The following FAM234B variants were observed in gnomAD, a reference collection of about 807,000 sequenced individuals.
FAM234B encodes the protein family with sequence similarity 234 member B, also known as protein FAM234B.
Under a neutral mutation model 69.3 loss-of-function variants are expected in FAM234B, and 33 were observed. The observed-to-expected ratio is 0.48, with a 90% CI of 0.36 to 0.64. The LOEUF (loss-of-function observed/expected upper bound fraction) is 0.64. Among genes scored for constraint, FAM234B ranks in the 30% least tolerant of loss-of-function variants. The probability of loss-of-function intolerance (pLI) is 0.00; values close to 1 mark genes in which losing one functional copy is unlikely to be tolerated. For missense variants in FAM234B, 697 were observed against 769.7 expected (o/e 0.91, Z 1.12); for synonymous variants, 306 against 306.9 (o/e 1.00, Z 0.03).
Position 13,080,707 on chromosome 12 carries a change from T to G in FAM234B, c.*77T>G. On this transcript the variant is annotated 3_prime_UTR_variant, in exon 13 of 13. Transcript: ENST00000197268. Reference sequence around the variant, plus strand: ...TACTCTCCTGTCACTGTAAAATCAGTTCTATGGAGAGAAGACTTCTTCGTC... The same window carrying G: ...TACTCTCCTGTCACTGTAAAATCAGGTCTATGGAGAGAAGACTTCTTCGTC... The G allele has an allele frequency of 7.9e-7, 1 of 1,258,560 alleles. No individual in the cohort carries two copies. Among genetic ancestry groups the G allele is most frequent in the Non-Finnish European group, 1.2e-6 (1 of 867,108 alleles). 78.0% of individuals were successfully genotyped at this position (1,258,560 alleles called of 1,614,324 possible).
chr12:13,072,293 G>T (rs1865114520), intron 10 of FAM234B, among the ~76,000 whole-genome samples: 1 of 152,140 alleles, frequency 6.6e-6, no homozygotes, highest in Non-Finnish European at 1.5e-5. Flanking sequence ...TTGAGGATCA[G>T]ATTTACCTAA....
intron 10 of FAM234B, among the ~76,000 whole-genome samples, chr12:13,074,018 T>C (rs569118410): frequency 1.1e-4 from 17 of 152,344 alleles, no homozygotes; most frequent in South Asian, 6.2e-4. Flanking sequence ...CACCACAAAT[T>C]TGATGCATGT....
chr12:13,066,872 G>T (rs1865044930), intron 6 of FAM234B, 85 bp downstream of exon 6: 15 of 1,463,012 alleles, frequency 1.0e-5, no homozygotes, highest in Non-Finnish European at 1.3e-5. Flanking sequence ...GAAAGCTCAG[G>T]AACTCCTGAC....
chr12:13,061,794 C>A, intron 4 of FAM234B, 31 bp downstream of exon 4: 7 of 1,587,902 alleles, frequency 4.4e-6, no homozygotes, highest in Non-Finnish European at 6.0e-6. Flanking sequence ...AAGAACTTTG[C>A]TCCTACGAGC....
At chr12:13,066,069 ATTTATGACTG>A (rs1385807261) in intron 5 of FAM234B, among the ~76,000 whole-genome samples, 1 of 152,216 alleles carries the variant, frequency 6.6e-6, no homozygotes, top group Non-Finnish European at 1.5e-5. Context: ...TTTATGTGTT[ATTTATGACTG>A]CTTTCACACA....
Position 13,082,080 on chromosome 12 carries a change from T to G in FAM234B, c.*1450T>G, listed in dbSNP as rs1028708446. The stretch of plus-strand genomic sequence containing the variant: ...TTCAAGCGATTCTCCAGCCTTAGCC[T>G]CCCAAGTAGCTGGGACTACAGGTGC... On this transcript the variant is annotated 3_prime_UTR_variant, in exon 13 of 13. Coordinates refer to ENST00000197268, the MANE Select transcript of FAM234B (RefSeq NM_020853.2). The G allele has an allele frequency of 5.4e-5, 8 of 147,772 alleles. No homozygotes were observed. The highest frequency in any genetic ancestry group is 2.0e-4 in the African/African-American group (8 of 40,220). 9.2% of individuals were successfully genotyped at this position (147,772 alleles called of 1,614,324 possible).
At chr12:13,052,653 ACTACT>A (rs1864887702) in intron 1 of FAM234B, among the ~76,000 whole-genome samples, 1 of 152,162 alleles carries the variant, frequency 6.6e-6, no homozygotes, top group African/African-American at 2.4e-5. Flanking sequence ...TGTGAGTGTG[ACTACT>A]CTAGATAACT....
rs1223680677 is a variant in FAM234B, at chr12:13,082,027, C to T, written c.*1397C>T. 2.1e-5 allele frequency: 3 copies of T among 141,492 alleles called. No individual in the cohort carries two copies. Among genetic ancestry groups the T allele is most frequent in the East Asian group, 2.1e-4 (1 of 4,690 alleles). 8.8% of individuals were successfully genotyped at this position (141,492 alleles called of 1,614,324 possible). A position where few individuals can be genotyped will look rare whatever the true frequency, so the allele number is the denominator to read the frequency against. ...AGGCTGGAGTGCAGTGGCACAATCT[C>T]GGCTCACTGCAACCTTCGCCTCCTG... is the stretch of plus-strand genomic sequence containing the variant. On this transcript the variant is annotated 3_prime_UTR_variant, in exon 13 of 13. Coordinates refer to ENST00000197268, the MANE Select transcript of FAM234B (RefSeq NM_020853.2).
At chr12:13,079,473 A>G (rs1300125014) in intron 11 of FAM234B, among the ~76,000 whole-genome samples, 1 of 152,112 alleles carries the variant, frequency 6.6e-6, no homozygotes. Context: ...CAGGCTCCCT[A>G]GTGTTTCGGG....
chr12:13,047,462 G>A (rs1310799085), intron 1 of FAM234B, among the ~76,000 whole-genome samples: 1 of 152,120 alleles, frequency 6.6e-6, no homozygotes, highest in Non-Finnish European at 1.5e-5. Context: ...TATATGCACA[G>A]TATAGTGTAT....
chr12:13,061,292 G>T (rs1219887032), intron 3 of FAM234B, among the ~76,000 whole-genome samples: 1 of 152,216 alleles, frequency 6.6e-6, no homozygotes, highest in African/African-American at 2.4e-5. Flanking sequence ...GGCCGAGGTG[G>T]CAGACATGTA....
intron 11 of FAM234B, among the ~76,000 whole-genome samples, chr12:13,078,213 G>A (rs1026925876): frequency 2.0e-5 from 3 of 151,734 alleles, no homozygotes; most frequent in African/African-American, 4.8e-5. Context: ...CTCCCATTTT[G>A]TAGGTTGCCT....
At chr12:13,049,235 A>G (rs915909147) in intron 1 of FAM234B, among the ~76,000 whole-genome samples, 2 of 152,244 alleles carry the variant, frequency 1.3e-5, no homozygotes, top group Non-Finnish European at 2.9e-5. Flanking sequence ...GCTGGAGTGC[A>G]GTGGCATGGT....
At chr12:13,058,168 C>T (rs963244553) in intron 2 of FAM234B, among the ~76,000 whole-genome samples, 3 of 152,018 alleles carry the variant, frequency 2.0e-5, no homozygotes, top group African/African-American at 7.3e-5. Flanking sequence ...ATTATGAGGC[C>T]AAAAGAAAAC....
intron 5 of FAM234B, among the ~76,000 whole-genome samples, chr12:13,064,767 CA>C (rs1865019762): frequency 6.6e-6 from 1 of 152,118 alleles, no homozygotes; most frequent in Admixed American, 6.6e-5. Flanking sequence ...ACCTCTCTGC[CA>C]GCAACAAGGG....
chr12:13,066,671 G>A lies in FAM234B; in HGVS notation c.884G>A (p.Arg295Gln), dbSNP rs62636619. The A allele has an allele frequency of 6.8e-3, 10,925 of 1,613,616 alleles. 644 individuals are homozygous for A. The African/African-American group carries it at 0.13, about 19-fold the overall frequency. Residue 295 changes from arginine to glutamine, a missense_variant, in exon 6 of 13, where the codon CGG (arginine) becomes CAG (glutamine). This residue lies in a region of FAM234B where 380 missense variants were observed against 447.1 expected (regional missense o/e 0.85). Transcript: ENST00000197268. ...CTGTGCTTTCTGCTGGTGTCTGGCC[G>A]GACCGGAAATCCAGTGGGTCGACCT... ...PDLCFLLVSGRTGNPVGRPVK... is the reference protein window; with the variant it reads ...PDLCFLLVSGQTGNPVGRPVK...
chr12:13,076,028 T>C lies in FAM234B; in HGVS notation c.1527T>C (p.Asp509=). The change falls in exon 11 of 13, where the codon GAT becomes GAC. Residue 509 remains aspartate, a splice_region_variant and synonymous_variant. Transcript: ENST00000197268. ...EGLSAASPNS[D]IILGTEPPSL... ...TCCTTTTTGCTGCTTATTATCAGGA[T>C]ATCATCCTAGGAACTGAGCCGCCCA... 6.2e-7 allele frequency: 1 copy of C among 1,610,754 alleles called. No individual in the cohort carries two copies. The highest frequency in any genetic ancestry group is 8.5e-7 in the Non-Finnish European group (1 of 1,177,012).
At chr12:13,068,269 C>T (rs1865061911) in intron 7 of FAM234B, 35 bp from the exon 8 acceptor site, 1 of 1,613,258 alleles carries the variant, frequency 6.2e-7, no homozygotes, top group Non-Finnish European at 8.5e-7. Flanking sequence ...CTCATCCAAG[C>T]CAGAGACTAA....
At chr12:13,045,934 A>C (rs979874738) in intron 1 of FAM234B, among the ~76,000 whole-genome samples, 4 of 151,024 alleles carry the variant, frequency 2.6e-5, no homozygotes, top group African/African-American at 9.8e-5. Flanking sequence ...GCAACTCTTG[A>C]GGTCTTTTGT....
Sources: gnomAD v4.1 joint callset for allele counts (sites outside exome capture counted in the v4.1 genomes callset) on GRCh38, gnomAD v4.1.1 for gene constraint, gnomAD v4.1.1 regional missense constraint, MANE v1.5 for transcripts, NCBI Gene and HGNC (gene_info 2026-07-23, HGNC 2026-07-21) for gene names.